Variants in GFRAL observed in about 807,000 individuals in gnomAD.
The protein encoded by GFRAL is GDNF family receptor alpha-like.
Under a neutral mutation model 45.4 loss-of-function variants are expected in GFRAL, and 36 were observed. The ratio of observed to expected loss-of-function variants is 0.79; its 90% confidence interval spans 0.61 to 1.05. The LOEUF is 1.05. Ranked by LOEUF, GFRAL falls within the 50% of genes least tolerant of loss-of-function variation. The pLI is 0.00. For synonymous variants in GFRAL, 166 were observed against 154.1 expected (o/e 1.08, Z -0.57); for missense variants, 507 against 467.5 (o/e 1.08, Z -0.78).
In GFRAL at chr6:55,359,157, A is replaced by T; in HGVS notation, c.952+19A>T. 1.5e-6 allele frequency: 2 copies of T among 1,351,006 alleles called. No homozygotes were observed. The highest frequency in any genetic ancestry group is 2.3e-5 in the East Asian group (1 of 43,612). 83.7% of individuals were successfully genotyped at this position (1,351,006 alleles called of 1,614,324 possible). A position where few individuals can be genotyped will look rare whatever the true frequency, so the allele number is the denominator to read the frequency against. ...TGTTTCAGTAAGTTCCCCAAATAAA[A>T]TTATCTGTCTATCTATCTATCTATC... On this transcript the variant is annotated intron_variant, in intron 6 of 8. Transcript: ENST00000340465.
At chr6:55,378,229 T>TA (rs201357019) in intron 6 of GFRAL, among the ~76,000 whole-genome samples, 2 of 152,030 alleles carry the variant, frequency 1.3e-5, no homozygotes, top group Admixed American at 6.6e-5. Context: ...TGCAGCTGCA[T>TA]AAAAAAAGAT....
Position 55,358,965 on chromosome 6 carries a change from G to A in GFRAL, c.779G>A (p.Ser260Asn). ...RKCHEDENCI[S>N]TLSKQDLTCS... ...TGCCATGAAGATGAGAATTGCATTA[G>A]CACCTTAAGCAAACAGGACCTCACT... The change falls in exon 6 of 9, where the codon AGC (serine) becomes AAC (asparagine). Residue 260 changes from serine to asparagine, a missense_variant. By Grantham distance (46) the Ser-to-Asn change is conservative. Transcript: ENST00000340465. 1 of 1,613,060 alleles carries A rather than the reference G, an allele frequency of 6.2e-7. No homozygotes were observed. Among genetic ancestry groups the A allele is most frequent in the South Asian group, 1.1e-5 (1 of 91,070 alleles).
At chr6:55,359,224 TAA>T in intron 6 of GFRAL, 86 bp downstream of exon 6, 1 of 1,064,558 alleles carries the variant, frequency 9.4e-7, no homozygotes. Context: ...GCCTATACAG[TAA>T]AAGAGGTAAT....
intron 8 of GFRAL, 126 bp downstream of exon 8, chr6:55,399,567 A>C: frequency 1.5e-6 from 1 of 651,568 alleles, no homozygotes; most frequent in South Asian, 2.0e-5. Context: ...AGACATATTA[A>C]ATCAAGTTTT....
At position 55,327,583 on chromosome 6, in the gene GFRAL, G is replaced by A. The variant is rs1436540580; in HGVS notation, c.22+7G>A. On this transcript the variant is annotated splice_region_variant and intron_variant, in intron 1 of 8. Coordinates refer to ENST00000340465, the MANE Select transcript of GFRAL (RefSeq NM_207410.2). ...ATAGTGTTTATTTTCTTGGGTAAGT[G>A]AATGGTGCTTCTGGTTTATCTGAAT... The A allele has an allele frequency of 6.2e-7, 1 of 1,611,938 alleles. No homozygotes were observed. The highest frequency in any genetic ancestry group is 8.5e-7 in the Non-Finnish European group (1 of 1,178,446).
intron 3 of GFRAL, among the ~76,000 whole-genome samples, chr6:55,336,899 T>C (rs1420056108): frequency 6.6e-6 from 1 of 152,130 alleles, no homozygotes. Context: ...TTATTTTTGG[T>C]TTTCTTCGTT....
rs1460834465 is a variant in GFRAL, at chr6:55,330,483, A to G, written c.23-1232A>G. On this transcript the variant is annotated intron_variant, in intron 1 of 8. Coordinates refer to ENST00000340465, the MANE Select transcript of GFRAL (RefSeq NM_207410.2). ...ATGTCAAATTCAATTTGAGTGTGGA[A>G]AAAGGGGAGTATAGAATTCAAGTAA... 2.0e-5 allele frequency among the ~76,000 whole-genome samples: 3 copies of G among 152,094 alleles called. No individual in the cohort carries two copies. In the East Asian group the frequency reaches 5.8e-4, roughly 29 times the overall value.
rs140172931 is a variant in GFRAL, at chr6:55,333,929, T to G, written c.301T>G (p.Cys101Gly). Residue 101 changes from cysteine (C) to glycine (G), a missense_variant, in exon 3 of 9, where the codon TGT becomes GGT. Physicochemically the swap from Cys to Gly is radical, Grantham distance 159. Coordinates refer to ENST00000340465, the MANE Select transcript of GFRAL (RefSeq NM_207410.2). The part of the protein sequence containing the change: ...CTVNKLLGKK[C>G]INKSDNVKED... ...TGTGAACAAACTGCTTGGAAAAAAATGTATCAATAAATCAGGTAATATTTT... is the reference window on the plus strand; with the variant it reads ...TGTGAACAAACTGCTTGGAAAAAAAGGTATCAATAAATCAGGTAATATTTT... 2.5e-3 allele frequency: 3,896 copies of G among 1,540,260 alleles called. 11 individuals are homozygous for G. Among genetic ancestry groups the G allele is most frequent in the Non-Finnish European group, 3.2e-3 (3,634 of 1,141,868 alleles).
intron 5 of GFRAL, among the ~76,000 whole-genome samples, chr6:55,356,444 T>C (rs937055489): frequency 5.3e-5 from 8 of 152,010 alleles, no homozygotes; most frequent in African/African-American, 1.9e-4. Flanking sequence ...TGGTAGGTTG[T>C]GTCTACAAAT....
chr6:55,385,353 C>A (rs551852111), intron 6 of GFRAL, among the ~76,000 whole-genome samples: 1 of 152,174 alleles, frequency 6.6e-6, no homozygotes, highest in African/African-American at 2.4e-5. Context: ...GCTGTTGAAG[C>A]TACATTCTGA....
intron 6 of GFRAL, among the ~76,000 whole-genome samples, chr6:55,380,474 A>G (rs1768593494): frequency 6.6e-6 from 1 of 151,968 alleles, no homozygotes; most frequent in African/African-American, 2.4e-5. Flanking sequence ...AGTAATTCTA[A>G]TTCAGTAGGC....
chr6:55,362,972 G>A (rs894682554), intron 6 of GFRAL, among the ~76,000 whole-genome samples: 1 of 150,510 alleles, frequency 6.6e-6, no homozygotes, highest in Non-Finnish European at 1.5e-5. Context: ...GAAGGGGGAG[G>A]AGGGGAGGAA....
chr6:55,336,032 C>T (rs11967219), intron 3 of GFRAL, among the ~76,000 whole-genome samples: 23,181 of 152,124 alleles, frequency 0.15, 2,013 homozygotes, highest in African/African-American at 0.22. Flanking sequence ...GCAGCCTCTA[C>T]CTCCTGGGTT....
At chr6:55,343,283 C>A (rs963935343) in intron 3 of GFRAL, among the ~76,000 whole-genome samples, 6 of 152,168 alleles carry the variant, frequency 3.9e-5, no homozygotes, top group Non-Finnish European at 2.9e-5. Context: ...GGAAGTAAAG[C>A]ACTCCTTGGC....
In GFRAL at chr6:55,335,461, A is replaced by T. The variant is rs145752970; in HGVS notation, c.316+1517A>T. 3.2e-3 allele frequency among the ~76,000 whole-genome samples: 492 copies of T among 152,192 alleles called. 1 individual carries two copies. Among genetic ancestry groups the T allele is most frequent in the African/African-American group, 0.011 (470 of 41,552 alleles). ...AATTTTAAAAATTTTGGTGAAATTG[A>T]GTTTATCATCTTTTCTTTCATAGAT... On this transcript the variant is annotated intron_variant, in intron 3 of 8. Coordinates refer to ENST00000340465, the MANE Select transcript of GFRAL (RefSeq NM_207410.2).
chr6:55,358,931 A>G lies in GFRAL; in HGVS notation c.745A>G (p.Thr249Ala), dbSNP rs867718703. 7 of 1,612,596 alleles carry G rather than the reference A, an allele frequency of 4.3e-6. No individual in the cohort carries two copies. The highest frequency in any genetic ancestry group is 1.6e-4 in the Middle Eastern group (1 of 6,076). Residue 249 changes from threonine to alanine, a missense_variant, in exon 6 of 9, where the codon ACT becomes GCT. Physicochemically the swap from Thr to Ala is moderately conservative, Grantham distance 58. Coordinates refer to ENST00000340465, the MANE Select transcript of GFRAL (RefSeq NM_207410.2). ...TFQSKCWQRV[T>A]RKCHEDENCI... ...TCAGTCAAAATGCTGGCAGCGTGTGACTAGAAAGTGCCATGAAGATGAGAA... is the reference window on the plus strand; with the variant it reads ...TCAGTCAAAATGCTGGCAGCGTGTGGCTAGAAAGTGCCATGAAGATGAGAA...
chr6:55,347,353 G>A (rs1181507809), intron 3 of GFRAL, among the ~76,000 whole-genome samples: 1 of 152,122 alleles, frequency 6.6e-6, no homozygotes, highest in African/African-American at 2.4e-5. Flanking sequence ...GTGTGGCATA[G>A]TTGGAGTGTC....
intron 6 of GFRAL, among the ~76,000 whole-genome samples, chr6:55,393,410 C>T (rs181920645): frequency 6.6e-6 from 1 of 152,134 alleles, no homozygotes; most frequent in Non-Finnish European, 1.5e-5. Context: ...TCTAAAAACT[C>T]TGCCTCTTCT....
At position 55,358,227 on chromosome 6, in the gene GFRAL, G is replaced by T. The variant is rs767907673; in HGVS notation, c.702-661G>T. 1.3e-3 allele frequency among the ~76,000 whole-genome samples: 195 copies of T among 151,764 alleles called. 1 individual carries two copies. The Middle Eastern group carries it at 0.02, about 16-fold the overall frequency. ...TCAACCTATTCAAGAAGAGTAAAAA[G>T]CAATTTTCGGTGACAAACATTAAAT... On this transcript the variant is annotated intron_variant, in intron 5 of 8. Transcript: ENST00000340465.
Sources: gnomAD v4.1 joint callset for allele counts (sites outside exome capture counted in the v4.1 genomes callset) on GRCh38, gnomAD v4.1.1 for gene constraint, MANE v1.5 for transcripts, NCBI Gene and HGNC (gene_info 2026-07-23, HGNC 2026-07-21) for gene names.